RAPH1: variants seen among roughly 807,000 people sequenced by gnomAD.
RAPH1 encodes ras-associated and pleckstrin homology domains-containing protein 1.
A neutral mutation model predicts 88.1 loss-of-function variants in RAPH1; 18 were observed. That is an observed-to-expected ratio of 0.20 (90% CI 0.14 to 0.30). RAPH1 has a LOEUF of 0.30. Ranked by LOEUF, RAPH1 falls within the 10% of genes least tolerant of loss-of-function variation. The pLI is 1.00. For synonymous variants in RAPH1, 587 were observed against 559.0 expected, an observed-to-expected ratio of 1.05 and a Z score of -0.71; for missense variants, 1,448 against 1,543.2, an observed-to-expected ratio of 0.94 and a Z score of 1.03.
chr2:203,463,045 T>C (rs897781005), intron 4 of RAPH1, among the ~76,000 whole-genome samples: 15 of 151,714 alleles, frequency 9.9e-5, no homozygotes, highest in Admixed American at 5.3e-4. Flanking sequence ...AACTAAAAAA[T>C]ACAAAAATTA....
intron 1 of RAPH1, among the ~76,000 whole-genome samples, chr2:203,521,636 AAAC>A (rs139041368): frequency 0.026 from 4,025 of 152,266 alleles, 107 homozygotes; most frequent in African/African-American, 0.068. Flanking sequence ...TCAAAATTAA[AAAC>A]AAATTTTATT....
chr2:203,470,833 T>G (rs2098532383), intron 4 of RAPH1, among the ~76,000 whole-genome samples: 3 of 152,210 alleles, frequency 2.0e-5, no homozygotes, highest in Admixed American at 2.0e-4. Flanking sequence ...CCATCAATAT[T>G]TTGCCTAATG....
At chr2:203,480,891 TG>T (rs1687690571) in intron 4 of RAPH1, among the ~76,000 whole-genome samples, 1 of 152,204 alleles carries the variant, frequency 6.6e-6, no homozygotes, top group Non-Finnish European at 1.5e-5. Flanking sequence ...AAGGTGATTC[TG>T]GGCCTATCAT....
intron 4 of RAPH1, among the ~76,000 whole-genome samples, chr2:203,486,200 G>C (rs1348660195): frequency 2.0e-5 from 3 of 151,982 alleles, no homozygotes; most frequent in African/African-American, 7.2e-5. Flanking sequence ...CTGGGAGAAA[G>C]TCTGAAGTTG....
intron 4 of RAPH1, among the ~76,000 whole-genome samples, chr2:203,489,121 T>A (rs536703149): frequency 1.4e-5 from 2 of 141,154 alleles, no homozygotes; most frequent in East Asian, 2.0e-4. Flanking sequence ...TGTACAAGAG[T>A]ACAAACTCCA....
chr2:203,526,244 T>C (rs1001841787), intron 1 of RAPH1, among the ~76,000 whole-genome samples: 1 of 152,202 alleles, frequency 6.6e-6, no homozygotes, highest in East Asian at 1.9e-4. Context: ...GTTTTATTAC[T>C]GTATGTGTTG....
At position 203,529,104 on chromosome 2, in the gene RAPH1, G is replaced by A. The variant is rs147765098; in HGVS notation, c.-1+6007C>T. ...GTGATGCTCCCAATCTCAGCCTCCC[G>A]AGTTAACTGCAACTACAGGCACACA... On this transcript the variant is annotated intron_variant, in intron 1 of 13. Transcript: ENST00000319170. 5.0e-4 allele frequency among the ~76,000 whole-genome samples: 68 copies of A among 137,128 alleles called. 3 individuals carry two copies. In the East Asian group the frequency reaches 0.015, roughly 31 times the overall value. 90.0% of individuals were successfully genotyped at this position (137,128 alleles called of 152,430 possible). A position where few individuals can be genotyped will look rare whatever the true frequency, so the allele number is the denominator to read the frequency against.
At chr2:203,509,835 T>C (rs1303058404) in intron 1 of RAPH1, among the ~76,000 whole-genome samples, 2 of 152,086 alleles carry the variant, frequency 1.3e-5, no homozygotes, top group Non-Finnish European at 2.9e-5. Flanking sequence ...TCTTGTGAGA[T>C]GTGGTCATTT....
At chr2:203,470,153 AATAAT>A (rs1457334847) in intron 4 of RAPH1, 6 of 829,848 alleles carry the variant, frequency 7.2e-6, no homozygotes, top group East Asian at 2.6e-5. Flanking sequence ...GTAAGAAAAT[AATAAT>A]ATAAGAGCAT....
intron 1 of RAPH1, among the ~76,000 whole-genome samples, chr2:203,511,141 C>T (rs1689324903): frequency 6.6e-6 from 1 of 151,958 alleles, no homozygotes; most frequent in Non-Finnish European, 1.5e-5. Context: ...AGAGAGAAAC[C>T]ATATGGTTCT....
intron 1 of RAPH1, among the ~76,000 whole-genome samples, chr2:203,505,841 G>C (rs184752234): frequency 6.6e-6 from 1 of 152,084 alleles, no homozygotes; most frequent in Non-Finnish European, 1.5e-5. Flanking sequence ...ACACACACGC[G>C]CGCGCACGCA....
chr2:203,492,459 C>T (rs568716885), intron 2 of RAPH1, among the ~76,000 whole-genome samples: 310 of 152,254 alleles, frequency 2.0e-3, no homozygotes, highest in Non-Finnish European at 3.7e-3. Flanking sequence ...CCAGTTCTAT[C>T]AAAAGGAGGG....
chr2:203,466,294 C>T (rs1389836545), intron 4 of RAPH1, among the ~76,000 whole-genome samples: 1 of 152,152 alleles, frequency 6.6e-6, no homozygotes, highest in African/African-American at 2.4e-5. Context: ...TGCAAGACTC[C>T]TAATATTTTT....
At chr2:203,445,315 CA>C (rs2098508489) in intron 12 of RAPH1, 1 of 264,790 alleles carries the variant, frequency 3.8e-6, no homozygotes, top group Non-Finnish European at 7.1e-6. Flanking sequence ...CAACTCTAAA[CA>C]ATAAAAGAAT....
intron 1 of RAPH1, among the ~76,000 whole-genome samples, chr2:203,508,036 C>T (rs564303897): frequency 7.9e-4 from 119 of 151,372 alleles, no homozygotes; most frequent in Middle Eastern, 6.8e-3. Context: ...CACAGTGAAA[C>T]CCCATCCCTA....
intron 4 of RAPH1, among the ~76,000 whole-genome samples, chr2:203,485,414 A>C (rs1228588310): frequency 6.7e-6 from 1 of 150,018 alleles, no homozygotes; most frequent in Non-Finnish European, 1.5e-5. Context: ...CTGTCTCAAA[A>C]AAAAAAAAAA....
At chr2:203,463,028 C>T (rs547052559) in intron 4 of RAPH1, among the ~76,000 whole-genome samples, 36 of 151,620 alleles carry the variant, frequency 2.4e-4, no homozygotes, top group Admixed American at 7.2e-4. Flanking sequence ...GGTGAAACCC[C>T]GTCTCTAACT....
At chr2:203,496,754 T>C (rs1254676498) in intron 1 of RAPH1, among the ~76,000 whole-genome samples, 1 of 152,234 alleles carries the variant, frequency 6.6e-6, no homozygotes, top group Non-Finnish European at 1.5e-5. Flanking sequence ...CCTAAGTTAT[T>C]TGACCACAAT....
chr2:203,497,689 C>T (rs1045890418), intron 1 of RAPH1, among the ~76,000 whole-genome samples: 1 of 152,074 alleles, frequency 6.6e-6, no homozygotes, highest in Non-Finnish European at 1.5e-5. Flanking sequence ...TCTTTTATCA[C>T]TCTAATCATA....
Sources: gnomAD v4.1 joint callset for allele counts (sites outside exome capture counted in the v4.1 genomes callset) on GRCh38, gnomAD v4.1.1 for gene constraint, MANE v1.5 for transcripts, NCBI Gene and HGNC (gene_info 2026-07-23, HGNC 2026-07-21) for gene names.